Variants in CFAP54 observed in about 807,000 individuals in gnomAD.
CFAP54 encodes cilia and flagella associated protein 54.
CFAP54 carries 290 observed loss-of-function variants against 370.4 expected under a neutral mutation model. That is an observed-to-expected ratio of 0.78 (90% CI 0.71 to 0.86). CFAP54 has a LOEUF of 0.86. Ranked by LOEUF, CFAP54 falls within the 40% of genes least tolerant of loss-of-function variation. The probability of loss-of-function intolerance (pLI) is 0.00; values close to 1 mark genes in which losing one functional copy is unlikely to be tolerated. For missense variants in CFAP54, 3,399 were observed against 3,528.7 expected, an observed-to-expected ratio of 0.96 and a Z score of 0.93; for synonymous variants, 1,206 against 1,236.5, an observed-to-expected ratio of 0.98 and a Z score of 0.52.
At chr12:96,547,817 C>T in intron 14 of CFAP54, 85 bp from the exon 15 acceptor site, 1 of 572,484 alleles carries the variant, frequency 1.7e-6, no homozygotes, top group Non-Finnish European at 2.9e-6. Context: ...TGTCCTCTTC[C>T]TCTTCCTACT....
intron 19 of CFAP54, among the ~76,000 whole-genome samples, chr12:96,565,560 G>A (rs547319637): frequency 6.6e-6 from 1 of 152,110 alleles, no homozygotes; most frequent in Non-Finnish European, 1.5e-5. Context: ...GGGGTTTAAT[G>A]AGAAAATTTA....
At chr12:96,634,046 C>CTTTTTTTTTTTGTTTTTTTTT (rs1956637117) in intron 32 of CFAP54, among the ~76,000 whole-genome samples, 1 of 56,866 alleles carries the variant, frequency 1.8e-5, no homozygotes, top group Non-Finnish European at 3.3e-5. Context: ...TAGCGAACAT[C>CTTTTTTTTTTTGTTTTTTTTT]TTTTTTTTTT....
intron 39 of CFAP54, among the ~76,000 whole-genome samples, chr12:96,675,191 G>T (rs1957192140): frequency 2.0e-5 from 3 of 152,070 alleles, no homozygotes; most frequent in Admixed American, 2.0e-4. Flanking sequence ...CTACTCATCT[G>T]ACAAAGGGCC....
At chr12:96,493,270 G>A (rs2136340821) in intron 1 of CFAP54, among the ~76,000 whole-genome samples, 1 of 152,310 alleles carries the variant, frequency 6.6e-6, no homozygotes, top group Middle Eastern at 3.4e-3. Flanking sequence ...ATAGATATGG[G>A]AGTCAGTATT....
chr12:96,622,110 G>GT (rs905820772), intron 27 of CFAP54, among the ~76,000 whole-genome samples: 24 of 151,654 alleles, frequency 1.6e-4, no homozygotes, highest in African/African-American at 5.6e-4. Flanking sequence ...ACATGTCAGA[G>GT]TTTTTTTACT....
chr12:96,694,448 C>G (rs1957419230), intron 45 of CFAP54, among the ~76,000 whole-genome samples: 1 of 151,990 alleles, frequency 6.6e-6, no homozygotes, highest in African/African-American at 2.4e-5. Flanking sequence ...TCTGTACTTC[C>G]TCAACTCTAA....
intron 50 of CFAP54, among the ~76,000 whole-genome samples, chr12:96,729,803 C>T (rs957055763): frequency 2.6e-5 from 4 of 152,124 alleles, no homozygotes; most frequent in African/African-American, 7.2e-5. Flanking sequence ...AGCTGTAGAC[C>T]GGAGCTGTTC....
intron 6 of CFAP54, among the ~76,000 whole-genome samples, chr12:96,521,288 A>G (rs766730894): frequency 6.6e-6 from 1 of 152,198 alleles, no homozygotes; most frequent in Non-Finnish European, 1.5e-5. Context: ...TGTTATCTCT[A>G]GAGGATTATA....
Position 96,538,497 on chromosome 12 carries a change from C to T in CFAP54, c.1905C>T (p.Thr635=), listed in dbSNP as rs1215587048. 2.0e-6 allele frequency: 3 copies of T among 1,536,106 alleles called. No homozygotes were observed. The highest frequency in any genetic ancestry group is 2.6e-6 in the Non-Finnish European group (3 of 1,146,834). Residue 635 remains threonine, a synonymous_variant, in exon 13 of 68, where the codon ACC becomes ACT. Transcript: ENST00000524981. ...CCAGAAATGACTATGCAAAATTCAC[C>T]CAGAAAATCAGTACTAACAAAGTAT... ...NISRNDYAKF[T]QKISTNKWIY... is the part of the protein sequence containing the mutation.
In CFAP54 at chr12:96,521,883, A is replaced by T; in HGVS notation, c.969A>T (p.Lys323Asn). Residue 323 changes from lysine (K) to asparagine (N), a missense_variant, in exon 7 of 68, where the codon AAA becomes AAT. Transcript: ENST00000524981. ...CATTTGCTCGGCGTGCTTTGGCTAA[A>T]ATTGATGAGTTAAGGCAACTGGAAT... is the stretch of plus-strand genomic sequence containing the variant. ...GEAFARRALA[K>N]IDELRQLELM... 1 of 1,531,428 alleles carries T rather than the reference A, an allele frequency of 6.5e-7. No homozygotes were observed. 94.9% of individuals were successfully genotyped at this position (1,531,428 alleles called of 1,614,324 possible).
At chr12:96,714,927 G>A (rs1957658041) in intron 48 of CFAP54, among the ~76,000 whole-genome samples, 1 of 152,152 alleles carries the variant, frequency 6.6e-6, no homozygotes, top group South Asian at 2.1e-4. Context: ...AATGGAACTA[G>A]TACTCAAATG....
chr12:96,698,277 T>C (rs1009906949), intron 45 of CFAP54, among the ~76,000 whole-genome samples: 3 of 152,212 alleles, frequency 2.0e-5, no homozygotes, highest in Non-Finnish European at 4.4e-5. Context: ...TGCTGGATTA[T>C]ATTCAAATTA....
intron 19 of CFAP54, among the ~76,000 whole-genome samples, chr12:96,574,635 C>T (rs1955957371): frequency 6.6e-6 from 1 of 151,912 alleles, no homozygotes; most frequent in Non-Finnish European, 1.5e-5. Context: ...CATGTTTTTT[C>T]TCATTTAATT....
At position 96,691,320 on chromosome 12, in the gene CFAP54, T is replaced by C; in HGVS notation, c.6264+10T>C. ...TAGGCAAAACCTAATAGTAAGTAATTTGTAAAATAAAAATTATATATCACT... is the reference window on the plus strand; with the variant it reads ...TAGGCAAAACCTAATAGTAAGTAATCTGTAAAATAAAAATTATATATCACT... On this transcript the variant is annotated intron_variant, in intron 44 of 67. Transcript: ENST00000524981. The C allele has an allele frequency of 6.4e-7, 1 of 1,558,318 alleles. No individual in the cohort carries two copies. Among genetic ancestry groups the C allele is most frequent in the South Asian group, 1.2e-5 (1 of 82,734 alleles).
chr12:96,594,680 A>G (rs1956159096), intron 25 of CFAP54, among the ~76,000 whole-genome samples: 1 of 152,198 alleles, frequency 6.6e-6, no homozygotes, highest in Non-Finnish European at 1.5e-5. Flanking sequence ...TCCTGTCCAT[A>G]TTTAAATATT....
chr12:96,763,304 T>G (rs1374792586), intron 58 of CFAP54, among the ~76,000 whole-genome samples: 1 of 152,156 alleles, frequency 6.6e-6, no homozygotes, highest in Non-Finnish European at 1.5e-5. Context: ...AATCATTGTT[T>G]GTTTGTTTTG....
intron 1 of CFAP54, among the ~76,000 whole-genome samples, chr12:96,495,798 AAG>A (rs1441226700): frequency 4.6e-5 from 7 of 152,060 alleles, no homozygotes; most frequent in African/African-American, 1.5e-4. Context: ...TCAACAAAAA[AAG>A]AGATTTTTTC....
chr12:96,602,051 G>T (rs1333725439), intron 26 of CFAP54, among the ~76,000 whole-genome samples: 1 of 151,928 alleles, frequency 6.6e-6, no homozygotes, highest in Non-Finnish European at 1.5e-5. Flanking sequence ...GTGATGTTAG[G>T]GTGTCAATCT....
At chr12:96,567,220 A>T (rs1955872419) in intron 19 of CFAP54, among the ~76,000 whole-genome samples, 1 of 152,220 alleles carries the variant, frequency 6.6e-6, no homozygotes, top group Admixed American at 6.5e-5. Flanking sequence ...GTAGTTCTAC[A>T]GGTCATTCTG....
Sources: allele counts gnomAD v4.1 joint callset (sites outside exome capture counted in the v4.1 genomes callset), GRCh38; gene constraint gnomAD v4.1.1; transcripts MANE v1.5; gene names NCBI Gene and HGNC (gene_info 2026-07-23, HGNC 2026-07-21).